The following LRRC49 variants were observed in gnomAD, a reference collection of about 807,000 sequenced individuals.
LRRC49 encodes the protein leucine rich repeat containing 49, also known as leucine-rich repeat-containing protein 49.
Under a neutral mutation model 83.3 loss-of-function variants are expected in LRRC49, and 50 were observed. The observed-to-expected ratio is 0.60, with a 90% CI of 0.48 to 0.76. The LOEUF (loss-of-function observed/expected upper bound fraction) is 0.76, where lower values mean the gene tolerates loss of function less well. Among genes scored for constraint, LRRC49 ranks in the 30% least tolerant of loss-of-function variants. LRRC49 has a pLI of 0.00. For missense variants in LRRC49, 704 were observed against 809.1 expected (o/e 0.87, Z 1.58); for synonymous variants, 286 against 283.3 (o/e 1.01, Z -0.10).
intron 5 of LRRC49, among the ~76,000 whole-genome samples, chr15:70,908,300 C>T (rs888612962): frequency 6.6e-5 from 10 of 152,158 alleles, no homozygotes; most frequent in African/African-American, 2.4e-4. Flanking sequence ...TTAATAATCA[C>T]AAGGCAGTCA....
chr15:70,971,199 C>T (rs1444021073), intron 9 of LRRC49, among the ~76,000 whole-genome samples: 2 of 152,140 alleles, frequency 1.3e-5, no homozygotes, highest in African/African-American at 4.8e-5. Flanking sequence ...TCATTGGTTT[C>T]AAAGAACTTC....
At chr15:70,864,237 C>A (rs1005251830) in intron 1 of LRRC49, among the ~76,000 whole-genome samples, 5 of 152,124 alleles carry the variant, frequency 3.3e-5, no homozygotes, top group East Asian at 1.9e-4. Context: ...GAGCTCCCCC[C>A]AGAATGGGTG....
chr15:70,900,861 C>T, intron 3 of LRRC49, 61 bp from the exon 4 acceptor site: 1 of 972,546 alleles, frequency 1.0e-6, no homozygotes, highest in Non-Finnish European at 1.6e-6. Context: ...TATAAGATGA[C>T]TTTAGTTTCA....
chr15:71,044,645 G>A (rs2039796088), intron 15 of LRRC49, among the ~76,000 whole-genome samples: 2 of 151,792 alleles, frequency 1.3e-5, no homozygotes, highest in Admixed American at 1.3e-4. Context: ...AATTAGCTGG[G>A]TGTGGTGGTG....
intron 11 of LRRC49, among the ~76,000 whole-genome samples, chr15:70,984,827 T>A (rs1326499308): frequency 1.4e-5 from 2 of 141,510 alleles, no homozygotes; most frequent in East Asian, 4.4e-4. Context: ...CCCCTTCCTG[T>A]GTCCATGTGT....
chr15:70,889,220 C>T (rs1014521942), upstream of LRRC49, among the ~76,000 whole-genome samples: 1 of 152,122 alleles, frequency 6.6e-6, no homozygotes, highest in African/African-American at 2.4e-5. Flanking sequence ...TTGGTATATT[C>T]ATACAATGGA....
At chr15:70,956,961 T>C (rs1231716074) in intron 8 of LRRC49, among the ~76,000 whole-genome samples, 1 of 152,228 alleles carries the variant, frequency 6.6e-6, no homozygotes, top group African/African-American at 2.4e-5. Flanking sequence ...CACTTTTTTG[T>C]TGTGCTTGAA....
In LRRC49 at chr15:70,882,815, G is replaced by T. The variant is rs756793161; in HGVS notation, c.18+9592G>T. ...GAAATTTGTGTACTTTTATGCACTG[G>T]GCCTTCTTCACAGTGAGTAGGTACT... On this transcript the variant is annotated intron_variant, in intron 2 of 16. Transcript: ENST00000544974. 4 of 1,614,016 alleles carry T rather than the reference G, an allele frequency of 2.5e-6. No individual in the cohort carries two copies. In the South Asian group the frequency reaches 3.3e-5, roughly 13 times the overall value.
At chr15:70,941,518 A>G (rs1255678706) in intron 8 of LRRC49, among the ~76,000 whole-genome samples, 2 of 151,434 alleles carry the variant, frequency 1.3e-5, no homozygotes, top group Admixed American at 1.3e-4. Flanking sequence ...AAAAGAAAAG[A>G]AAAAAAGAAA....
At chr15:71,033,559 A>G (rs1417483525) in intron 14 of LRRC49, among the ~76,000 whole-genome samples, 1 of 152,182 alleles carries the variant, frequency 6.6e-6, no homozygotes, top group East Asian at 1.9e-4. Flanking sequence ...ATATGGAACC[A>G]AAAAAGAGCC....
intron 6 of LRRC49, among the ~76,000 whole-genome samples, chr15:70,913,746 A>G (rs1567049092): frequency 6.6e-6 from 1 of 152,052 alleles, no homozygotes; most frequent in Non-Finnish European, 1.5e-5. Flanking sequence ...TGATAGCAGT[A>G]TTTTTCTTGT....
chr15:70,973,295 G>A (rs1227784483), intron 9 of LRRC49, among the ~76,000 whole-genome samples: 1 of 152,130 alleles, frequency 6.6e-6, no homozygotes, highest in Non-Finnish European at 1.5e-5. Flanking sequence ...TGTTTGCCTG[G>A]GTGTCACCAG....
At chr15:70,885,509 G>A (rs936993996) in intron 2 of LRRC49, among the ~76,000 whole-genome samples, 1 of 152,126 alleles carries the variant, frequency 6.6e-6, no homozygotes, top group African/African-American at 2.4e-5. Flanking sequence ...TCTCTTCAGC[G>A]GGGTAACCAT....
chr15:70,935,175 A>G (rs2035552479), intron 7 of LRRC49, among the ~76,000 whole-genome samples: 1 of 152,234 alleles, frequency 6.6e-6, no homozygotes, highest in Admixed American at 6.5e-5. Context: ...AGCTCTAAAA[A>G]TCATTATCTC....
intron 1 of LRRC49, among the ~76,000 whole-genome samples, chr15:70,867,717 T>C (rs949903274): frequency 6.6e-6 from 1 of 152,202 alleles, no homozygotes; most frequent in Non-Finnish European, 1.5e-5. Flanking sequence ...GGGGGCATTA[T>C]TAAATCCAGG....
At chr15:71,040,676 C>T (rs1317925886) in intron 15 of LRRC49, among the ~76,000 whole-genome samples, 3 of 151,794 alleles carry the variant, frequency 2.0e-5, no homozygotes, top group Admixed American at 6.6e-5. Context: ...AAAAATTAGC[C>T]GGGCGTGGTG....
intron 15 of LRRC49, among the ~76,000 whole-genome samples, chr15:71,039,392 A>G (rs150919499): frequency 0.01 from 1,545 of 152,312 alleles, 16 homozygotes; most frequent in Non-Finnish European, 0.017. Flanking sequence ...AGCTGGTTCT[A>G]TGAGTGAAAA....
At chr15:70,974,420 C>T (rs2037131390) in intron 9 of LRRC49, among the ~76,000 whole-genome samples, 1 of 152,256 alleles carries the variant, frequency 6.6e-6, no homozygotes. Context: ...TGGATTAATG[C>T]CAGCCTTTAG....
At chr15:70,973,196 A>T (rs2037077352) in intron 9 of LRRC49, among the ~76,000 whole-genome samples, 1 of 151,950 alleles carries the variant, frequency 6.6e-6, no homozygotes, top group Non-Finnish European at 1.5e-5. Context: ...GTTGATGTTG[A>T]TGCTATTGCT....
Sources: gnomAD v4.1 joint callset for allele counts (sites outside exome capture counted in the v4.1 genomes callset) on GRCh38, gnomAD v4.1.1 for gene constraint, MANE v1.5 for transcripts, NCBI Gene and HGNC (gene_info 2026-07-23, HGNC 2026-07-21) for gene names.